MORN1: variants seen among roughly 807,000 people sequenced by gnomAD.
MORN1 encodes MORN repeat-containing protein 1.
MORN1 carries 67 observed loss-of-function variants against 61.9 expected under a neutral mutation model. The ratio of observed to expected loss-of-function variants is 1.08; its 90% CI spans 0.89 to 1.33. The LOEUF (loss-of-function observed/expected upper bound fraction) is 1.33, where lower values mean the gene tolerates loss of function less well. Ranked by LOEUF, MORN1 falls within the 40% of genes most tolerant of loss-of-function variation. The pLI is 0.00. For missense variants in MORN1, 752 were observed against 691.2 expected, an observed-to-expected ratio of 1.09 and a Z score of -0.99; for synonymous variants, 301 against 292.0, an observed-to-expected ratio of 1.03 and a Z score of -0.31.
intron 10 of MORN1, among the ~76,000 whole-genome samples, chr1:2,356,022 G>A (rs1441599491): frequency 6.6e-6 from 1 of 152,228 alleles, no homozygotes; most frequent in African/African-American, 2.4e-5. Flanking sequence ...CTTGCCCCAG[G>A]GGCCTGGAGG....
chr1:2,355,466 T>A (rs1363422836), intron 10 of MORN1: 1 of 1,550,372 alleles, frequency 6.5e-7, no homozygotes, highest in Admixed American at 2.0e-5. Flanking sequence ...GTGAGCTCCC[T>A]GCAAGCACAG....
chr1:2,345,135 C>T (rs1293288194), intron 10 of MORN1, among the ~76,000 whole-genome samples: 8 of 152,216 alleles, frequency 5.3e-5, no homozygotes, highest in Non-Finnish European at 1.0e-4. Flanking sequence ...CCGAAGACAA[C>T]GTCAGCCCCC....
chr1:2,391,355 T>C, intron 1 of MORN1, 103 bp downstream of exon 1: 1 of 1,211,306 alleles, frequency 8.3e-7, no homozygotes, highest in African/African-American at 1.6e-5. Context: ...CCTGGACCTC[T>C]ACTTTCCGAG....
Position 2,387,519 on chromosome 1 carries a change from G to A in MORN1, c.258C>T (p.Phe86=). ...GCTCTCCCAGAACAAACTGTCCAGA[G>A]AAGGTGTCTCCTGCATGTGGACAAG... ...RRHWAWSGDT[F]SGQFVLGEPQ... The change falls in exon 4 of 14, where the codon TTC becomes TTT. Residue 86 remains phenylalanine (F), a synonymous_variant. Transcript: ENST00000378531. 1 of 1,611,672 alleles carries A rather than the reference G, an allele frequency of 6.2e-7. No individual in the cohort carries two copies.
chr1:2,390,327 G>C, intron 1 of MORN1: 1 of 790,484 alleles, frequency 1.3e-6, no homozygotes, highest in South Asian at 5.7e-5. Context: ...TGGGAGCCTT[G>C]TTGCAGGAGA....
chr1:2,382,907 A>G (rs1367204496), intron 6 of MORN1, among the ~76,000 whole-genome samples: 3 of 152,134 alleles, frequency 2.0e-5, no homozygotes, highest in African/African-American at 7.2e-5. Context: ...CCCAAGCAGG[A>G]TGCTGTTTCA....
chr1:2,352,050 A>C (rs1240110620), intron 10 of MORN1: 3 of 556,282 alleles, frequency 5.4e-6, no homozygotes, highest in Admixed American at 2.3e-5. Context: ...GAGTCCACCA[A>C]GACCCTAGCA....
Position 2,336,788 on chromosome 1 carries a change from A to G in MORN1, c.1099T>C (p.Phe367Leu). 6.2e-7 allele frequency: 1 copy of G among 1,605,442 alleles called. No individual in the cohort carries two copies. The highest frequency in any genetic ancestry group is 8.5e-7 in the Non-Finnish European group (1 of 1,176,422). The change falls in exon 11 of 14, where the codon TTC (phenylalanine) becomes CTC (leucine). Residue 367 changes from phenylalanine to leucine, a missense_variant. Transcript: ENST00000378531. ...GGCGGCCCCAGGAGGACATCTGTGAACTCGGCACAGCCCTGCTCCACTCGC... is the reference window on the plus strand; with the variant it reads ...GGCGGCCCCAGGAGGACATCTGTGAGCTCGGCACAGCCCTGCTCCACTCGC... ...CQRVEQGCAE[F>L]TDVLLGPPPP...
intron 12 of MORN1, chr1:2,326,280 C>G (rs997553669): frequency 2.0e-5 from 3 of 152,210 alleles, no homozygotes; most frequent in African/African-American, 7.2e-5. Flanking sequence ...ACGTAAGACA[C>G]AGGAGTGCGG....
intron 10 of MORN1, among the ~76,000 whole-genome samples, chr1:2,348,264 T>A (rs189040622): frequency 6.6e-6 from 1 of 152,304 alleles, no homozygotes; most frequent in East Asian, 1.9e-4. Context: ...GGGTTACGCA[T>A]CTTTGGCAGG....
intron 5 of MORN1, chr1:2,385,471 C>T (rs959534256): frequency 2.6e-6 from 1 of 392,022 alleles, no homozygotes; most frequent in African/African-American, 2.1e-5. Flanking sequence ...GAGAGCACCC[C>T]CATCCTCATT....
chr1:2,336,605 A>T, intron 11 of MORN1, 57 bp from the exon 12 acceptor site: 1 of 1,601,812 alleles, frequency 6.2e-7, no homozygotes, highest in South Asian at 1.1e-5. Context: ...TGGGCCTAGG[A>T]GCTCTGCTCC....
Position 2,337,083 on chromosome 1 carries a change from C to T in MORN1, c.1037-233G>A, listed in dbSNP as rs1641296789. ...TCCGTGTCCACGGCCTCTGACGCCC[C>T]CGCCCCCTTCTGAGTCCACCCCAGC... On this transcript the variant is annotated intron_variant, in intron 10 of 13. Transcript: ENST00000378531. The surrounding 1 kb of genome is among the most constrained non-coding windows in gnomAD (Gnocchi z 5.7). Among the ~76,000 whole-genome samples, 1 of 152,158 alleles carries T rather than the reference C, an allele frequency of 6.6e-6. No homozygotes were observed.
Position 2,354,708 on chromosome 1 carries a change from C to G in MORN1, c.1036+2724G>C, listed in dbSNP as rs571955332. Among the ~76,000 whole-genome samples, 21 of 152,318 alleles carry G rather than the reference C, an allele frequency of 1.4e-4. No homozygotes were observed. The South Asian group carries it at 2.9e-3, about 21-fold the overall frequency. On this transcript the variant is annotated intron_variant, in intron 10 of 13. Transcript: ENST00000378531. ...GTGGAGGCCAGCATGCGCACTCAGT[C>G]ATCCGTCCTTGGGGTGGACGCTGCT...
At chr1:2,322,908 G>C (rs1027154255) in intron 13 of MORN1, 168 of 985,314 alleles carry the variant, frequency 1.7e-4, no homozygotes, top group Non-Finnish European at 2.0e-4. Context: ...GCGGCAGGCC[G>C]GGCCTCGACG....
chr1:2,351,664 C>G, intron 10 of MORN1: 1 of 387,480 alleles, frequency 2.6e-6, no homozygotes, highest in Non-Finnish European at 5.0e-6. Context: ...GGGCCCGAAA[C>G]CCGCTTTTCT....
At position 2,337,555 on chromosome 1, in the gene MORN1, G is replaced by C. The variant is rs909067989; in HGVS notation, c.1037-705C>G. Among the ~76,000 whole-genome samples the C allele has an allele frequency of 1.3e-5, 2 of 152,208 alleles. No individual in the cohort carries two copies. Among genetic ancestry groups the C allele is most frequent in the Admixed American group, 1.3e-4 (2 of 15,278 alleles). ...CTGGCTTCCCCCACGCACAGATGGAGCTGCAGCCCCCAGGGCCCACCCTGC... is the reference window on the plus strand; with the variant it reads ...CTGGCTTCCCCCACGCACAGATGGACCTGCAGCCCCCAGGGCCCACCCTGC... On this transcript the variant is annotated intron_variant, in intron 10 of 13. Coordinates refer to ENST00000378531, the MANE Select transcript of MORN1 (RefSeq NM_024848.3). The surrounding 1 kb of genome is among the most constrained non-coding windows in gnomAD (Gnocchi z 5.7).
rs1375922906 is a variant in MORN1, at chr1:2,331,829, CCTCTCCCTCGTGCGG to C, written c.1250+4625_1250+4639del. 3.6e-4 allele frequency among the ~76,000 whole-genome samples: 51 copies of C among 143,270 alleles called. 1 individual carries two copies. Among genetic ancestry groups the C allele is most frequent in the South Asian group, 2.4e-3 (11 of 4,536 alleles). 94.0% of individuals were successfully genotyped at this position (143,270 alleles called of 152,430 possible). A position where few individuals can be genotyped will look rare whatever the true frequency, so the allele number is the denominator to read the frequency against. The stretch of plus-strand genomic sequence containing the variant: ...CGGCTGCGCCTCTCCCGCCGCTGCG[CCTCTCCCTCGTGCGG>C]CTCTCCCGCCCCTGCGCCTCTCCCT... On this transcript the variant is annotated intron_variant, in intron 12 of 13. Coordinates refer to ENST00000378531, the MANE Select transcript of MORN1 (RefSeq NM_024848.3).
chr1:2,384,357 C>T (rs533447795), intron 6 of MORN1, among the ~76,000 whole-genome samples: 5 of 152,358 alleles, frequency 3.3e-5, no homozygotes, highest in East Asian at 1.9e-4. Flanking sequence ...CTGCCCCATT[C>T]GCCCGAGAAC....
Sources: allele counts gnomAD v4.1 joint callset (sites outside exome capture counted in the v4.1 genomes callset), GRCh38; gene constraint gnomAD v4.1.1; non-coding constraint Gnocchi (gnomAD v3.1); transcripts MANE v1.5; gene names NCBI Gene and HGNC (gene_info 2026-07-23, HGNC 2026-07-21).